Variants in ANKS1B observed in about 807,000 individuals in gnomAD.
ANKS1B encodes ankyrin repeat and sterile alpha motif domain containing 1B.
ANKS1B carries 36 observed loss-of-function variants against 148.3 expected under a neutral mutation model. The observed-to-expected ratio is 0.24, with a 90% confidence interval of 0.19 to 0.32. The LOEUF (loss-of-function observed/expected upper bound fraction) is 0.32. Ranked by LOEUF, ANKS1B falls within the 10% of genes least tolerant of loss-of-function variation. ANKS1B has a pLI of 1.00. For missense variants in ANKS1B, 1,157 were observed against 1,542.6 expected (o/e 0.75, Z 4.19); for synonymous variants, 542 against 560.8 (o/e 0.97, Z 0.47).
chr12:99,844,737 G>T (rs2086351024), intron 1 of ANKS1B, among the ~76,000 whole-genome samples: 1 of 151,964 alleles, frequency 6.6e-6, no homozygotes, highest in Non-Finnish European at 1.5e-5. Flanking sequence ...TTGGTTCCTT[G>T]TGAATTTTAA....
intron 20 of ANKS1B, among the ~76,000 whole-genome samples, chr12:98,803,903 C>T (rs1157892472): frequency 1.3e-5 from 2 of 152,204 alleles, no homozygotes; most frequent in African/African-American, 2.4e-5. Context: ...CAAATATTTA[C>T]GTCATCCACA....
intron 14 of ANKS1B, among the ~76,000 whole-genome samples, chr12:99,236,387 G>A (rs1166758777): frequency 6.6e-6 from 1 of 152,134 alleles, no homozygotes; most frequent in African/African-American, 2.4e-5. Context: ...GAGGCCTCAG[G>A]AAACTTACAA....
intron 15 of ANKS1B, among the ~76,000 whole-genome samples, chr12:99,109,691 G>A (rs1381630380): frequency 6.6e-6 from 1 of 152,174 alleles, no homozygotes; most frequent in Admixed American, 6.5e-5. Flanking sequence ...GAAGTAAGGT[G>A]TGACTAAGGT....
At chr12:99,463,109 T>C (rs1050539533) in intron 10 of ANKS1B, among the ~76,000 whole-genome samples, 8 of 152,004 alleles carry the variant, frequency 5.3e-5, no homozygotes, top group Non-Finnish European at 7.4e-5. Context: ...GTGAAAAAAA[T>C]ACCCTAATAG....
At chr12:99,057,603 C>A (rs2040679983) in intron 16 of ANKS1B, among the ~76,000 whole-genome samples, 1 of 152,180 alleles carries the variant, frequency 6.6e-6, no homozygotes. Context: ...TATTCCAATT[C>A]TTCGTTCTCT....
intron 1 of ANKS1B, among the ~76,000 whole-genome samples, chr12:99,889,415 G>T (rs1467654143): frequency 6.6e-6 from 1 of 152,252 alleles, no homozygotes; most frequent in East Asian, 1.9e-4. Context: ...AAGAAGTTAA[G>T]TTTAGAAAAA....
At chr12:99,931,547 T>A (rs2094615270) in intron 1 of ANKS1B, among the ~76,000 whole-genome samples, 1 of 152,154 alleles carries the variant, frequency 6.6e-6, no homozygotes, top group Non-Finnish European at 1.5e-5. Context: ...AAGTTTTGAG[T>A]CTATATTAAG....
At chr12:99,289,264 G>A (rs890997984) in intron 12 of ANKS1B, among the ~76,000 whole-genome samples, 2 of 151,976 alleles carry the variant, frequency 1.3e-5, no homozygotes, top group Admixed American at 1.3e-4. Flanking sequence ...GATCAGATAT[G>A]TAAAGCAAAT....
chr12:99,241,616 T>C (rs932365869), intron 14 of ANKS1B, among the ~76,000 whole-genome samples: 5 of 152,228 alleles, frequency 3.3e-5, no homozygotes, highest in African/African-American at 9.6e-5. Context: ...TTTATGCCAA[T>C]ATCCCTGATG....
At chr12:99,241,267 CA>C (rs755824566) in intron 14 of ANKS1B, among the ~76,000 whole-genome samples, 9 of 152,224 alleles carry the variant, frequency 5.9e-5, no homozygotes, top group Non-Finnish European at 1.3e-4. Context: ...ATACTATAAA[CA>C]CCTCTACGCA....
chr12:99,478,047 A>G (rs1006950037), intron 10 of ANKS1B, among the ~76,000 whole-genome samples: 2 of 152,220 alleles, frequency 1.3e-5, no homozygotes, highest in African/African-American at 4.8e-5. Flanking sequence ...ACAATGAAAT[A>G]CAGTGACACC....
At chr12:99,961,036 C>T (rs969340218) in intron 1 of ANKS1B, among the ~76,000 whole-genome samples, 14 of 151,934 alleles carry the variant, frequency 9.2e-5, no homozygotes, top group African/African-American at 1.9e-4. Context: ...AAGACCAGCC[C>T]GGCCAACATG....
At chr12:99,156,013 G>A (rs1177250653) in intron 14 of ANKS1B, among the ~76,000 whole-genome samples, 1 of 152,138 alleles carries the variant, frequency 6.6e-6, no homozygotes, top group Non-Finnish European at 1.5e-5. Context: ...CAGAGCAGCC[G>A]CCTGGCACAT....
chr12:99,742,574 C>T (rs1055041219), intron 8 of ANKS1B, among the ~76,000 whole-genome samples: 1 of 151,454 alleles, frequency 6.6e-6, no homozygotes, highest in Non-Finnish European at 1.5e-5. Context: ...GTGAATCACG[C>T]CTGTAATCCC....
At chr12:99,145,259 A>G (rs899049809) in intron 15 of ANKS1B, among the ~76,000 whole-genome samples, 24 of 152,088 alleles carry the variant, frequency 1.6e-4, no homozygotes, top group Non-Finnish European at 3.2e-4. Context: ...GCAAGAAGCA[A>G]GAGTTCTGGG....
chr12:98,970,580 T>C (rs1336213739), intron 17 of ANKS1B, among the ~76,000 whole-genome samples: 2 of 152,210 alleles, frequency 1.3e-5, no homozygotes, highest in South Asian at 2.1e-4. Context: ...TCTGTACTAA[T>C]TGGAAAAACA....
intron 17 of ANKS1B, among the ~76,000 whole-genome samples, chr12:98,854,404 T>G (rs1449831302): frequency 6.6e-6 from 1 of 152,166 alleles, no homozygotes; most frequent in African/African-American, 2.4e-5. Context: ...TTAAAATGAG[T>G]AGATGATATT....
rs142328250 is a variant in ANKS1B, at chr12:99,459,735, T to C, written c.1439-15926A>G. On this transcript the variant is annotated intron_variant, in intron 10 of 26. Coordinates refer to ENST00000683438, the MANE Select transcript of ANKS1B (RefSeq NM_001352186.2). ...CTGCTACAAGGAAAACTACAAAACATTGCTGAAAGAAATCATAGATTGACA... is the reference window on the plus strand; with the variant it reads ...CTGCTACAAGGAAAACTACAAAACACTGCTGAAAGAAATCATAGATTGACA... Among the ~76,000 whole-genome samples the C allele has an allele frequency of 1.5e-3, 227 of 151,650 alleles. 1 individual carries two copies. In the East Asian group the frequency reaches 0.02, roughly 13 times the overall value.
chr12:99,462,132 T>A (rs2095987322), intron 10 of ANKS1B, among the ~76,000 whole-genome samples: 1 of 152,218 alleles, frequency 6.6e-6, no homozygotes, highest in African/African-American at 2.4e-5. Flanking sequence ...GTTGACACTT[T>A]AATGTACCAC....
Sources: allele counts gnomAD v4.1 joint callset (sites outside exome capture counted in the v4.1 genomes callset), GRCh38; gene constraint gnomAD v4.1.1; transcripts MANE v1.5; gene names NCBI Gene and HGNC (gene_info 2026-07-23, HGNC 2026-07-21).